ASB3: variants seen among roughly 807,000 people sequenced by gnomAD.
ASB3 encodes the protein ankyrin repeat and SOCS box containing 3, also known as ankyrin repeat and SOCS box protein 3.
In ASB3, 41 loss-of-function variants were observed where a neutral mutation model predicts 54.5. That is an observed-to-expected ratio of 0.75 (90% CI 0.59 to 0.98). The LOEUF is 0.98. Among genes scored for constraint, ASB3 ranks in the 50% least tolerant of loss-of-function variants. The pLI is 0.00. For synonymous variants in ASB3, 266 were observed against 221.2 expected, an observed-to-expected ratio of 1.20 and a Z score of -1.80; for missense variants, 733 against 620.0, an observed-to-expected ratio of 1.18 and a Z score of -1.94.
chr2:53,784,557 AAAG>A (rs1189290864), intron 1 of ASB3, among the ~76,000 whole-genome samples: 23 of 152,332 alleles, frequency 1.5e-4, no homozygotes, highest in Middle Eastern at 3.4e-3. Context: ...TGAAAGCTCT[AAAG>A]AAGGATTCTT....
chr2:53,777,032 A>G (rs1441140433), intron 1 of ASB3, among the ~76,000 whole-genome samples: 1 of 152,136 alleles, frequency 6.6e-6, no homozygotes, highest in East Asian at 1.9e-4. Context: ...TTACCTTTCT[A>G]AAATACTATA....
chr2:53,768,137 C>A, intron 1 of ASB3: 1 of 1,209,874 alleles, frequency 8.3e-7, no homozygotes. Context: ...GGCCAAAGCA[C>A]ATGGCTTGGG....
chr2:53,697,382 C>G (rs902450880), intron 8 of ASB3, among the ~76,000 whole-genome samples: 7 of 152,196 alleles, frequency 4.6e-5, no homozygotes, highest in Non-Finnish European at 8.8e-5. Flanking sequence ...TGTGCTGCTG[C>G]TCTGCCTATG....
chr2:53,703,475 A>T (rs1302329843), intron 7 of ASB3, among the ~76,000 whole-genome samples: 1 of 152,170 alleles, frequency 6.6e-6, no homozygotes, highest in African/African-American at 2.4e-5. Context: ...GAGAAAACTT[A>T]AAACCTGGGG....
At chr2:53,679,469 C>A (rs1315192476) in intron 9 of ASB3, among the ~76,000 whole-genome samples, 1 of 152,114 alleles carries the variant, frequency 6.6e-6, no homozygotes, top group Non-Finnish European at 1.5e-5. Flanking sequence ...TCTGTCCAGC[C>A]CATCCTCATC....
chr2:53,675,774 T>C (rs1289284127), intron 9 of ASB3, among the ~76,000 whole-genome samples: 2 of 152,204 alleles, frequency 1.3e-5, no homozygotes, highest in Admixed American at 1.3e-4. Flanking sequence ...TGAAAGAGTT[T>C]TTCCAGGTGA....
chr2:53,688,827 T>C (rs1668763607), intron 9 of ASB3, among the ~76,000 whole-genome samples: 1 of 151,952 alleles, frequency 6.6e-6, no homozygotes, highest in South Asian at 2.1e-4. Context: ...GAGAAATACC[T>C]AATGTAGAAG....
At chr2:53,761,354 G>C (rs1484001032) in intron 2 of ASB3, among the ~76,000 whole-genome samples, 2 of 152,130 alleles carry the variant, frequency 1.3e-5, no homozygotes, top group Non-Finnish European at 2.9e-5. Context: ...TTCGAGCAGG[G>C]AGCAGCAACC....
chr2:53,679,996 T>C (rs1456614704), intron 9 of ASB3, among the ~76,000 whole-genome samples: 7 of 152,152 alleles, frequency 4.6e-5, no homozygotes, highest in Admixed American at 6.5e-5. Context: ...ATGTAGTACA[T>C]GGTTTTCTGT....
intron 7 of ASB3, among the ~76,000 whole-genome samples, chr2:53,709,396 A>T (rs913760301): frequency 9.2e-5 from 14 of 152,226 alleles, no homozygotes; most frequent in African/African-American, 3.4e-4. Flanking sequence ...AGGATGTCTG[A>T]AAAAGCCTAG....
intron 3 of ASB3, among the ~76,000 whole-genome samples, chr2:53,733,811 G>A (rs1469554337): frequency 1.3e-5 from 2 of 152,156 alleles, no homozygotes; most frequent in African/African-American, 4.8e-5. Flanking sequence ...GGGAAATCAG[G>A]GGTCTCACAG....
chr2:53,744,337 T>A (rs1023886197), intron 3 of ASB3, among the ~76,000 whole-genome samples: 2 of 150,008 alleles, frequency 1.3e-5, no homozygotes, highest in African/African-American at 5.0e-5. Context: ...TGAGCCGAGA[T>A]AGTGCCACTG....
intron 2 of ASB3, among the ~76,000 whole-genome samples, chr2:53,753,820 T>TA (rs1320689150): frequency 6.6e-6 from 1 of 151,928 alleles, no homozygotes; most frequent in East Asian, 1.9e-4. Context: ...ATTTTTTTTT[T>TA]AGTAGAGACA....
intron 1 of ASB3, chr2:53,767,840 G>A (rs761198959): frequency 5.8e-6 from 9 of 1,563,056 alleles, no homozygotes; most frequent in African/African-American, 1.3e-5. Flanking sequence ...CGGCGGCGCG[G>A]CGACAGCTAG....
At chr2:53,694,231 G>T in intron 8 of ASB3, 1 of 456,290 alleles carries the variant, frequency 2.2e-6, no homozygotes, top group Non-Finnish European at 3.8e-6. Context: ...CTATGTAGCT[G>T]TCTAAGAGAT....
At chr2:53,767,978 G>C (rs760377911) in intron 1 of ASB3, 64 of 1,614,026 alleles carry the variant, frequency 4.0e-5, no homozygotes, top group Non-Finnish European at 5.4e-5. Flanking sequence ...TACAGCAGGC[G>C]CTTCTGGCAG....
intron 1 of ASB3, 177 bp downstream of exon 1, chr2:53,786,644 C>T (rs1004183074): frequency 6.5e-6 from 1 of 152,706 alleles, no homozygotes; most frequent in Admixed American, 6.5e-5. Context: ...GTCAGGAACA[C>T]CGCCATTTCT....
At chr2:53,768,085 C>A in intron 1 of ASB3, 1 of 1,575,520 alleles carries the variant, frequency 6.3e-7, no homozygotes, top group Non-Finnish European at 8.6e-7. Context: ...ACTCCACACA[C>A]AGCACCCACA....
intron 7 of ASB3, among the ~76,000 whole-genome samples, chr2:53,708,081 A>T (rs1669889912): frequency 6.6e-6 from 1 of 152,176 alleles, no homozygotes; most frequent in Non-Finnish European, 1.5e-5. Context: ...CCCAAATCTC[A>T]TGATGAATTG....
Sources: allele counts gnomAD v4.1 joint callset (sites outside exome capture counted in the v4.1 genomes callset), GRCh38; gene constraint gnomAD v4.1.1; transcripts MANE v1.5; gene names NCBI Gene and HGNC (gene_info 2026-07-23, HGNC 2026-07-21).